Variants in HDAC9 observed in about 807,000 individuals in gnomAD.
HDAC9 encodes histone deacetylase 9, also known as MEF-2 interacting transcription repressor (MITR) protein.
HDAC9 carries 41 observed loss-of-function variants against 139.4 expected under a neutral mutation model. That is an observed-to-expected ratio of 0.29 (90% confidence interval 0.23 to 0.38). The LOEUF is 0.38. Ranked by LOEUF, HDAC9 falls within the 10% of genes least tolerant of loss-of-function variation. HDAC9 has a pLI of 1.00. For missense variants in HDAC9, 1,147 were observed against 1,297.0 expected (o/e 0.88, Z 1.78); for synonymous variants, 517 against 476.2 (o/e 1.09, Z -1.12).
At chr7:18,145,825 A>G (rs73315765) in intron 1 of HDAC9, among the ~76,000 whole-genome samples, 3,350 of 152,284 alleles carry the variant, frequency 0.022, 128 homozygotes, top group African/African-American at 0.075. Flanking sequence ...AGGAGAGCAA[A>G]GTAGCCTAGA....
chr7:18,400,901 T>C lies in HDAC9; in HGVS notation c.-41-95361T>C, dbSNP rs1005982783. Among the ~76,000 whole-genome samples, 7 of 152,188 alleles carry C rather than the reference T, an allele frequency of 4.6e-5. 1 individual carries two copies. The highest frequency in any genetic ancestry group is 2.6e-4 in the Admixed American group (4 of 15,282). The stretch of plus-strand genomic sequence containing the variant: ...TCCTCTTAGGTTTTCTTTAATGGAT[T>C]GAGGCCTGAGTGTTTAGATTGAGCT... On this transcript the variant is annotated intron_variant, in intron 1 of 3. Transcript: ENST00000413509.
At chr7:18,687,864 TAAAG>T (rs971991981) in intron 12 of HDAC9, among the ~76,000 whole-genome samples, 2 of 151,960 alleles carry the variant, frequency 1.3e-5, no homozygotes, top group African/African-American at 4.8e-5. Flanking sequence ...TCTCTTATAA[TAAAG>T]ATTGTTTTAG....
At position 18,586,209 on chromosome 7, in the gene HDAC9, C is replaced by G. The variant is rs191905250; in HGVS notation, c.264+687C>G. ...CATATTCCAGAATTTTTAATAATAA[C>G]TTATTTTATTATCTAATAATATTAG... On this transcript the variant is annotated intron_variant, in intron 3 of 25. Transcript: ENST00000686413. 9.7e-4 allele frequency among the ~76,000 whole-genome samples: 147 copies of G among 151,876 alleles called. 2 individuals are homozygous for G. Among genetic ancestry groups the G allele is most frequent in the Non-Finnish European group, 8.8e-5 (6 of 67,920 alleles).
At chr7:18,171,478 G>C (rs554771683) in intron 2 of HDAC9, among the ~76,000 whole-genome samples, 111 of 152,174 alleles carry the variant, frequency 7.3e-4, no homozygotes, top group Non-Finnish European at 1.4e-3. Context: ...ACTTCCAACA[G>C]TATGTTGAAT....
chr7:18,155,093 CTTT>C (rs397889583), intron 1 of HDAC9, among the ~76,000 whole-genome samples: 1 of 141,688 alleles, frequency 7.1e-6, no homozygotes, highest in African/African-American at 2.6e-5. Flanking sequence ...TTCTTTCTTT[CTTT>C]TTTTTTTTTT....
At chr7:18,307,096 C>CG (rs1798962127) in intron 1 of HDAC9, among the ~76,000 whole-genome samples, 2 of 108,680 alleles carry the variant, frequency 1.8e-5, no homozygotes, top group African/African-American at 7.9e-5. Flanking sequence ...GAGGGCAGTT[C>CG]TTGTGTGTGT....
intron 1 of HDAC9, among the ~76,000 whole-genome samples, chr7:18,151,482 T>A (rs1786774702): frequency 6.6e-6 from 1 of 152,228 alleles, no homozygotes. Flanking sequence ...TATCCTCTCA[T>A]GGGCCAGTTA....
chr7:18,729,418 C>G (rs1787280717), intron 13 of HDAC9, among the ~76,000 whole-genome samples: 2 of 152,096 alleles, frequency 1.3e-5, no homozygotes, highest in Non-Finnish European at 2.9e-5. Flanking sequence ...AAGTTTCTTT[C>G]CTTGGTTAAG....
chr7:18,704,334 A>G (rs1185731119), intron 12 of HDAC9, among the ~76,000 whole-genome samples: 1 of 152,206 alleles, frequency 6.6e-6, no homozygotes, highest in Non-Finnish European at 1.5e-5. Flanking sequence ...CTTGCTTAGG[A>G]ATATTAGAAG....
intron 12 of HDAC9, among the ~76,000 whole-genome samples, chr7:18,698,638 A>G (rs1783231334): frequency 6.6e-6 from 1 of 152,132 alleles, no homozygotes; most frequent in Non-Finnish European, 1.5e-5. Flanking sequence ...TTTCCCCTTG[A>G]AACTTCCAGT....
chr7:18,864,108 A>G (rs919096699), intron 21 of HDAC9, among the ~76,000 whole-genome samples: 22 of 152,188 alleles, frequency 1.4e-4, no homozygotes, highest in African/African-American at 4.6e-4. Flanking sequence ...AAGTGTTCCA[A>G]TTTCTTCATA....
rs182069064 is a variant in HDAC9, at chr7:18,963,668, A to G, written c.3022+9438A>G. 2.5e-3 allele frequency among the ~76,000 whole-genome samples: 387 copies of G among 152,242 alleles called. 3 individuals carry two copies. The highest frequency in any genetic ancestry group is 8.8e-3 in the African/African-American group (365 of 41,564). Reference sequence around the variant, plus strand: ...CAATAACAGAGTTTTCTTTTTTTCTAAAGACATAAACTCCTATGGATAAAG... The same window carrying G: ...CAATAACAGAGTTTTCTTTTTTTCTGAAGACATAAACTCCTATGGATAAAG... On this transcript the variant is annotated intron_variant, in intron 24 of 25. Transcript: ENST00000686413.
chr7:18,737,745 G>C (rs1041724510), intron 13 of HDAC9, among the ~76,000 whole-genome samples: 1 of 152,114 alleles, frequency 6.6e-6, no homozygotes, highest in Non-Finnish European at 1.5e-5. Context: ...GTTGATTTGG[G>C]GTGGAGAGTT....
At chr7:18,956,317 G>A (rs145803708) in intron 24 of HDAC9, among the ~76,000 whole-genome samples, 1 of 152,024 alleles carries the variant, frequency 6.6e-6, no homozygotes, top group Admixed American at 6.6e-5. Context: ...TTGGTTCAGC[G>A]GTATATTTAT....
chr7:18,888,275 A>C (rs1435573979), intron 22 of HDAC9, among the ~76,000 whole-genome samples: 1 of 152,022 alleles, frequency 6.6e-6, no homozygotes, highest in Non-Finnish European at 1.5e-5. Context: ...AAAAAATAAA[A>C]TTAGCCAGGC....
intron 2 of HDAC9, among the ~76,000 whole-genome samples, chr7:18,555,824 CTAAGT>C (rs979668576): frequency 2.0e-5 from 3 of 151,952 alleles, no homozygotes; most frequent in South Asian, 2.1e-4. Flanking sequence ...GGTCTGTATT[CTAAGT>C]TATTTCATTA....
chr7:18,745,528 ACT>A (rs1787861413), intron 13 of HDAC9, among the ~76,000 whole-genome samples: 1 of 129,668 alleles, frequency 7.7e-6, no homozygotes, highest in East Asian at 2.4e-4. Context: ...TAGACTCTCT[ACT>A]CTTTTTTTTT....
At chr7:18,574,790 C>A (rs1321061177) in intron 2 of HDAC9, among the ~76,000 whole-genome samples, 1 of 152,268 alleles carries the variant, frequency 6.6e-6, no homozygotes, top group Non-Finnish European at 1.5e-5. Context: ...TTGGCCTGAA[C>A]TTTGCTTCAA....
chr7:18,345,804 AT>A (rs879456832), intron 1 of HDAC9, among the ~76,000 whole-genome samples: 8 of 151,116 alleles, frequency 5.3e-5, no homozygotes, highest in Non-Finnish European at 8.9e-5. Context: ...TTCATTCAGC[AT>A]TTTTTTTCCC....
Sources: allele counts gnomAD v4.1 joint callset (sites outside exome capture counted in the v4.1 genomes callset), GRCh38; gene constraint gnomAD v4.1.1; transcripts MANE v1.5; gene names NCBI Gene and HGNC (gene_info 2026-07-23, HGNC 2026-07-21).